The following CNTNAP5 variants were observed in gnomAD, a reference collection of about 807,000 sequenced individuals.
CNTNAP5 encodes contactin-associated protein-like 5.
CNTNAP5 carries 72 observed loss-of-function variants against 150.2 expected under a neutral mutation model. That is an observed-to-expected ratio of 0.48 (90% CI 0.40 to 0.58). The LOEUF is 0.58. Ranked by LOEUF, CNTNAP5 falls within the 20% of genes least tolerant of loss-of-function variation. The pLI is 0.00. For synonymous variants in CNTNAP5, 672 were observed against 619.8 expected, an observed-to-expected ratio of 1.08 and a Z score of -1.25; for missense variants, 1,636 against 1,626.2, an observed-to-expected ratio of 1.01 and a Z score of -0.10.
intron 1 of CNTNAP5, among the ~76,000 whole-genome samples, chr2:124,185,903 A>T (rs142037597): frequency 6.6e-6 from 1 of 152,350 alleles, no homozygotes; most frequent in African/African-American, 2.4e-5. Context: ...ACTAATGAGC[A>T]GTTGCTTTAT....
Position 124,355,626 on chromosome 2 carries a change from C to A in CNTNAP5, c.382-61817C>A, listed in dbSNP as rs185641452. On this transcript the variant is annotated intron_variant, in intron 3 of 23. Transcript: ENST00000682447. The stretch of plus-strand genomic sequence containing the variant: ...GAGCCCAGAGGTTCAACTTTCATCA[C>A]CTTTTTGGGAAGTAAGATTCTCCTA... Among the ~76,000 whole-genome samples the A allele has an allele frequency of 1.4e-3, 214 of 152,242 alleles. 3 individuals carry two copies. The highest frequency in any genetic ancestry group is 0.01 in the Middle Eastern group (3 of 294).
intron 19 of CNTNAP5, among the ~76,000 whole-genome samples, chr2:124,813,262 A>G (rs1438876696): frequency 2.0e-5 from 3 of 151,700 alleles, no homozygotes; most frequent in African/African-American, 4.8e-5. Context: ...TATTTTTAGT[A>G]GAGACAGGGT....
chr2:124,544,989 A>C (rs1695479823), intron 10 of CNTNAP5, among the ~76,000 whole-genome samples: 2 of 152,144 alleles, frequency 1.3e-5, no homozygotes, highest in South Asian at 4.1e-4. Context: ...CCTTGCAAAG[A>C]AGTGATTTAA....
intron 4 of CNTNAP5, among the ~76,000 whole-genome samples, chr2:124,417,806 C>T (rs968504127): frequency 2.6e-5 from 4 of 152,128 alleles, no homozygotes; most frequent in African/African-American, 9.7e-5. Context: ...GATAAAGGCT[C>T]AATGAAACAT....
At chr2:124,627,701 G>A (rs1275500345) in intron 12 of CNTNAP5, among the ~76,000 whole-genome samples, 4 of 152,132 alleles carry the variant, frequency 2.6e-5, no homozygotes, top group African/African-American at 7.2e-5. Flanking sequence ...GTCACAGAAC[G>A]GAGCTGAAGC....
At chr2:124,081,981 C>T (rs1163468774) in intron 1 of CNTNAP5, among the ~76,000 whole-genome samples, 1 of 152,138 alleles carries the variant, frequency 6.6e-6, no homozygotes. Flanking sequence ...AGTTTCTTCT[C>T]AACCTCAACA....
chr2:124,798,761 A>G (rs1681902028), intron 19 of CNTNAP5, among the ~76,000 whole-genome samples: 1 of 152,200 alleles, frequency 6.6e-6, no homozygotes, highest in East Asian at 1.9e-4. Context: ...CAGGTCTTAG[A>G]GAGAAGTAGT....
At chr2:124,802,183 T>C (rs1681984432) in intron 19 of CNTNAP5, among the ~76,000 whole-genome samples, 1 of 152,158 alleles carries the variant, frequency 6.6e-6, no homozygotes, top group Non-Finnish European at 1.5e-5. Flanking sequence ...TGGAGTAAGG[T>C]GGATGAGTTG....
chr2:124,826,176 G>A (rs1231556045), intron 19 of CNTNAP5, among the ~76,000 whole-genome samples: 1 of 151,936 alleles, frequency 6.6e-6, no homozygotes. Flanking sequence ...ATCAAAAGAA[G>A]TACCTTAGTT....
Position 124,398,715 on chromosome 2 carries a change from G to A in CNTNAP5, c.382-18728G>A, listed in dbSNP as rs1361430524. Reference sequence around the variant, plus strand: ...AGGCTGGTCTTGAACTCCCGACCTCGGGTGATCCATCTGCCTTGGCTTCCC... The same window carrying A: ...AGGCTGGTCTTGAACTCCCGACCTCAGGTGATCCATCTGCCTTGGCTTCCC... On this transcript the variant is annotated intron_variant, in intron 3 of 23. Transcript: ENST00000682447. Among the ~76,000 whole-genome samples, 9 of 151,992 alleles carry A rather than the reference G, an allele frequency of 5.9e-5. No individual in the cohort carries two copies. In the East Asian group the frequency reaches 7.7e-4, roughly 13 times the overall value.
intron 4 of CNTNAP5, among the ~76,000 whole-genome samples, chr2:124,419,337 G>A (rs1490864989): frequency 6.6e-6 from 1 of 151,974 alleles, no homozygotes; most frequent in African/African-American, 2.4e-5. Flanking sequence ...GTGTCTACTT[G>A]CACAGAAAGA....
chr2:124,312,557 T>C (rs1688857408), intron 3 of CNTNAP5, among the ~76,000 whole-genome samples: 1 of 150,468 alleles, frequency 6.6e-6, no homozygotes, highest in Admixed American at 6.6e-5. Flanking sequence ...TTTTGTTTGT[T>C]TATTTGTTTG....
chr2:124,138,080 A>G (rs1046582407), intron 1 of CNTNAP5, among the ~76,000 whole-genome samples: 1 of 152,184 alleles, frequency 6.6e-6, no homozygotes, highest in African/African-American at 2.4e-5. Flanking sequence ...AAAGTTAGAG[A>G]TGATCCTTTA....
chr2:124,534,816 T>C (rs1002742824), intron 10 of CNTNAP5, among the ~76,000 whole-genome samples: 2 of 152,214 alleles, frequency 1.3e-5, no homozygotes, highest in Non-Finnish European at 2.9e-5. Flanking sequence ...GATCCTGTTT[T>C]ATCAGCAGGG....
chr2:124,081,153 T>C (rs551087195), intron 1 of CNTNAP5, among the ~76,000 whole-genome samples: 18 of 152,300 alleles, frequency 1.2e-4, no homozygotes, highest in Non-Finnish European at 2.5e-4. Context: ...AAATTTTGTG[T>C]TACTAGATGT....
At chr2:124,369,641 T>G (rs1017469532) in intron 3 of CNTNAP5, among the ~76,000 whole-genome samples, 3 of 152,172 alleles carry the variant, frequency 2.0e-5, no homozygotes, top group African/African-American at 7.2e-5. Flanking sequence ...AATGACACAA[T>G]TTAACCTTAT....
intron 1 of CNTNAP5, among the ~76,000 whole-genome samples, chr2:124,055,367 C>A (rs1322966974): frequency 6.6e-6 from 1 of 152,192 alleles, no homozygotes; most frequent in African/African-American, 2.4e-5. Flanking sequence ...TCTCCTCCAA[C>A]CCCTTCCGCT....
intron 13 of CNTNAP5, among the ~76,000 whole-genome samples, chr2:124,729,398 G>T (rs755402470): frequency 4.6e-5 from 7 of 151,838 alleles, no homozygotes; most frequent in African/African-American, 7.3e-5. Context: ...TGTTTTCTTT[G>T]TTAGGCATCA....
intron 2 of CNTNAP5, among the ~76,000 whole-genome samples, chr2:124,229,351 C>T (rs1686554357): frequency 6.6e-6 from 1 of 152,048 alleles, no homozygotes; most frequent in Non-Finnish European, 1.5e-5. Context: ...GGCAATCCGG[C>T]ACACGAGGAG....
Sources: allele counts gnomAD v4.1 joint callset (sites outside exome capture counted in the v4.1 genomes callset), GRCh38; gene constraint gnomAD v4.1.1; transcripts MANE v1.5; gene names NCBI Gene and HGNC (gene_info 2026-07-23, HGNC 2026-07-21).